IMMP2L: variants seen among roughly 807,000 people sequenced by gnomAD.
IMMP2L encodes mitochondrial inner membrane protease subunit 2.
In IMMP2L, 18 loss-of-function variants were observed where a neutral mutation model predicts 19.3. The observed-to-expected ratio is 0.93, with a 90% CI of 0.64 to 1.38. IMMP2L has a LOEUF of 1.38. Among genes scored for constraint, IMMP2L ranks in the 40% most tolerant of loss-of-function variants. The pLI is 0.00. For synonymous variants in IMMP2L, 76 were observed against 73.0 expected, an observed-to-expected ratio of 1.04 and a Z score of -0.21; for missense variants, 233 against 218.2, an observed-to-expected ratio of 1.07 and a Z score of -0.43.
At chr7:111,197,018 C>T (rs75369079) in intron 3 of IMMP2L, among the ~76,000 whole-genome samples, 5,808 of 152,192 alleles carry the variant, frequency 0.038, 361 homozygotes, top group African/African-American at 0.13. Flanking sequence ...TAAACTTCCA[C>T]GAACTCTCTT....
chr7:111,552,496 C>A (rs373153979), intron 1 of IMMP2L, among the ~76,000 whole-genome samples: 1 of 152,248 alleles, frequency 6.6e-6, no homozygotes, highest in East Asian at 1.9e-4. Context: ...CTATGTTGGC[C>A]AGGCTGTTCT....
chr7:111,460,739 T>C (rs981762882), intron 3 of IMMP2L, among the ~76,000 whole-genome samples: 2 of 152,050 alleles, frequency 1.3e-5, no homozygotes, highest in Non-Finnish European at 2.9e-5. Context: ...CAACATGATG[T>C]TCTATGTTTT....
chr7:111,315,659 T>G (rs1184641425), intron 3 of IMMP2L, among the ~76,000 whole-genome samples: 1 of 151,826 alleles, frequency 6.6e-6, no homozygotes, highest in Non-Finnish European at 1.5e-5. Context: ...CGCCACGTAG[T>G]CTTTCAGTAA....
intron 3 of IMMP2L, among the ~76,000 whole-genome samples, chr7:111,044,833 T>C (rs1285665746): frequency 2.6e-5 from 4 of 152,162 alleles, no homozygotes; most frequent in African/African-American, 9.7e-5. Context: ...TTTTTAAAGT[T>C]TACATATATA....
intron 3 of IMMP2L, among the ~76,000 whole-genome samples, chr7:111,345,433 T>A (rs1032151780): frequency 2.0e-5 from 3 of 152,128 alleles, no homozygotes; most frequent in Non-Finnish European, 4.4e-5. Flanking sequence ...TTACAGGATG[T>A]TGATTCCTAA....
chr7:111,142,495 A>T (rs1438996013), intron 3 of IMMP2L, among the ~76,000 whole-genome samples: 5 of 152,170 alleles, frequency 3.3e-5, no homozygotes, highest in Admixed American at 3.3e-4. Context: ...ATATTGAAGT[A>T]ATCAGAAAAA....
rs540821660 is a variant in IMMP2L, at chr7:111,381,386, T to C, written c.239+105852A>G. ...CCCTAGCCACGTGTCTACTGAGCAT[T>C]TGAAATGTGACCATGACCACAAGTT... On this transcript the variant is annotated intron_variant, in intron 3 of 5. Coordinates refer to ENST00000405709, the MANE Select transcript of IMMP2L (RefSeq NM_032549.4). Among the ~76,000 whole-genome samples the C allele has an allele frequency of 7.2e-5, 11 of 152,110 alleles. No individual in the cohort carries two copies. In the South Asian group the frequency reaches 2.3e-3, roughly 32 times the overall value.
At chr7:110,677,142 G>A (rs1792360137) in intron 5 of IMMP2L, among the ~76,000 whole-genome samples, 1 of 152,084 alleles carries the variant, frequency 6.6e-6, no homozygotes, top group South Asian at 2.1e-4. Context: ...AAGAGACTAA[G>A]AAAAAGTGAG....
intron 3 of IMMP2L, among the ~76,000 whole-genome samples, chr7:111,062,098 G>T (rs1404458887): frequency 4.6e-5 from 7 of 151,958 alleles, no homozygotes; most frequent in African/African-American, 1.7e-4. Context: ...CTTCTATTTT[G>T]TACATGTGTA....
At chr7:111,491,490 T>C (rs1433676609) in intron 2 of IMMP2L, among the ~76,000 whole-genome samples, 1 of 152,096 alleles carries the variant, frequency 6.6e-6, no homozygotes, top group Non-Finnish European at 1.5e-5. Context: ...TATTTCTACA[T>C]CACAATTTTA....
rs917484103 is a variant in IMMP2L at position 111,362,905 on chromosome 7, G to A, written c.239+124333C>T. 2.6e-5 allele frequency among the ~76,000 whole-genome samples: 4 copies of A among 152,030 alleles called. No homozygotes were observed. In the South Asian group the frequency reaches 6.2e-4, roughly 24 times the overall value. On this transcript the variant is annotated intron_variant, in intron 3 of 5. Transcript: ENST00000405709. ...AAGGGGAGTTAGGAAAGGAAAAGCT[G>A]CTTTCACTGTCTTTCACAGGAGGAC...
intron 3 of IMMP2L, among the ~76,000 whole-genome samples, chr7:111,221,663 GA>G (rs1217607915): frequency 1.3e-5 from 2 of 151,796 alleles, no homozygotes; most frequent in African/African-American, 2.4e-5. Flanking sequence ...TCACATGTGG[GA>G]AAAAAATATA....
At chr7:110,843,231 T>A (rs1386208265) in intron 5 of IMMP2L, among the ~76,000 whole-genome samples, 1 of 152,208 alleles carries the variant, frequency 6.6e-6, no homozygotes, top group Admixed American at 6.6e-5. Context: ...CTGCCAATTA[T>A]CTTGAAGAAA....
intron 5 of IMMP2L, among the ~76,000 whole-genome samples, chr7:110,676,636 A>T (rs138220116): frequency 3.9e-5 from 6 of 152,350 alleles, no homozygotes; most frequent in Non-Finnish European, 7.4e-5. Context: ...CTTAACCTAC[A>T]TTAATGGAAA....
chr7:111,271,589 T>C (rs1818475214), intron 3 of IMMP2L, among the ~76,000 whole-genome samples: 4 of 152,100 alleles, frequency 2.6e-5, no homozygotes. Context: ...GGGGCCTAAG[T>C]AAGTCCATGT....
At chr7:111,051,873 C>A (rs994250555) in intron 3 of IMMP2L, among the ~76,000 whole-genome samples, 2 of 152,146 alleles carry the variant, frequency 1.3e-5, no homozygotes, top group African/African-American at 4.8e-5. Context: ...TTTAAGCCTC[C>A]AACTGACTCA....
At chr7:111,119,956 T>C (rs1285027071) in intron 3 of IMMP2L, among the ~76,000 whole-genome samples, 1 of 152,150 alleles carries the variant, frequency 6.6e-6, no homozygotes, top group Non-Finnish European at 1.5e-5. Flanking sequence ...GGGGAGATTC[T>C]TGAACTGAGG....
intron 3 of IMMP2L, among the ~76,000 whole-genome samples, chr7:111,109,745 T>C (rs1272975451): frequency 6.6e-6 from 1 of 152,218 alleles, no homozygotes; most frequent in African/African-American, 2.4e-5. Context: ...AATTTGTACA[T>C]TGTAGCACAA....
At chr7:111,214,391 G>A (rs1427918482) in intron 3 of IMMP2L, among the ~76,000 whole-genome samples, 1 of 123,188 alleles carries the variant, frequency 8.1e-6, no homozygotes, top group African/African-American at 3.2e-5. Context: ...CACCCAGGCT[G>A]GAGTGCAGTG....
Sources: allele counts gnomAD v4.1 joint callset (sites outside exome capture counted in the v4.1 genomes callset), GRCh38; gene constraint gnomAD v4.1.1; transcripts MANE v1.5; gene names NCBI Gene and HGNC (gene_info 2026-07-23, HGNC 2026-07-21).